The following LRRC71 variants were observed in gnomAD, a reference collection of about 807,000 sequenced individuals.
The protein encoded by LRRC71 is leucine-rich repeat-containing protein 71.
LRRC71 carries 54 observed loss-of-function variants against 66.6 expected under a neutral mutation model. The observed-to-expected ratio is 0.81, with a 90% CI of 0.65 to 1.02. The LOEUF (loss-of-function observed/expected upper bound fraction) is 1.02. LRRC71 is among the 50% of genes least tolerant of loss of function. The pLI is 0.00. For synonymous variants in LRRC71, 323 were observed against 303.9 expected (o/e 1.06, Z -0.65); for missense variants, 724 against 718.0 (o/e 1.01, Z -0.10).
At chr1:156,936,129 A>C, downstream of LRRC71, 1 of 1,481,798 alleles carries the variant, frequency 6.7e-7, no homozygotes, top group Non-Finnish European at 9.4e-7. Context: ...TTGTCTAGAA[A>C]GTTCAGGCTC....
At chr1:156,925,347 G>T (rs2101608708) in intron 5 of LRRC71, among the ~76,000 whole-genome samples, 1 of 152,340 alleles carries the variant, frequency 6.6e-6, no homozygotes. Context: ...TGTACTGGGG[G>T]CTGGTAAGAA....
rs901841074 is a variant in LRRC71, at chr1:156,924,962, T to C, written c.540T>C (p.Asp180=). The C allele has an allele frequency of 5.2e-6, 8 of 1,551,634 alleles. No homozygotes were observed. Among genetic ancestry groups the C allele is most frequent in the Non-Finnish European group, 6.1e-6 (7 of 1,146,976 alleles). The change falls in exon 5 of 15, where the codon GAT becomes GAC. Residue 180 remains aspartate (D), a synonymous_variant. Coordinates refer to ENST00000337428, the MANE Select transcript of LRRC71 (RefSeq NM_144702.3). ...GCTTGTGGAAGGTGGGGCTGACCGA[T>C]AAGACCCTGACCACCTTCATCGAGC... The part of the protein sequence containing the change: ...AINLWKVGLT[D]KTLTTFIELL...
At chr1:156,939,885 C>T in the LRRC71 span, 1 of 1,607,854 alleles carries the variant, frequency 6.2e-7, no homozygotes, top group Non-Finnish European at 8.5e-7. Flanking sequence ...GCAGGCTCCA[C>T]AGGATCAGAT....
At chr1:156,929,480 G>A (rs968885687) in intron 10 of LRRC71, 51 bp downstream of exon 10, 2 of 1,610,412 alleles carry the variant, frequency 1.2e-6, no homozygotes, top group African/African-American at 2.7e-5. Context: ...AGGGGAGGGG[G>A]CTTCCATCAT....
intron 1 of LRRC71, among the ~76,000 whole-genome samples, chr1:156,922,165 G>T (rs1652493533): frequency 6.6e-6 from 1 of 152,108 alleles, no homozygotes; most frequent in Non-Finnish European, 1.5e-5. Flanking sequence ...GGGTGAAGTT[G>T]TGACTTTGGG....
Position 156,932,937 on chromosome 1 carries a change from A to G in LRRC71, c.1648A>G (p.Arg550Gly), listed in dbSNP as rs1452718695. The G allele has an allele frequency of 6.3e-7, 1 of 1,589,976 alleles. No homozygotes were observed. Among genetic ancestry groups the G allele is most frequent in the Admixed American group, 1.8e-5 (1 of 56,798 alleles). Residue 550 changes from arginine (R) to glycine (G), a missense_variant, in exon 15 of 15, where the codon AGG becomes GGG. Transcript: ENST00000337428. ...AAGGGATCCCATCAAGGCCAAACTC[A>G]GGGAGGATGAGGCCATGGCATTCTT... is the stretch of plus-strand genomic sequence containing the variant. ...LPRDPIKAKL[R>G]EDEAMAFFP
In LRRC71 at chr1:156,927,662, G is replaced by C. The variant is rs1448600165; in HGVS notation, c.822+7G>C. The C allele has an allele frequency of 6.2e-7, 1 of 1,606,640 alleles. No homozygotes were observed. Among genetic ancestry groups the C allele is most frequent in the African/African-American group, 1.3e-5 (1 of 74,888 alleles). On this transcript the variant is annotated splice_region_variant and intron_variant, in intron 7 of 14. Transcript: ENST00000337428. The stretch of plus-strand genomic sequence containing the variant: ...CGCAGGCTACATCGCGGACGTGAGT[G>C]CACGGCGGGGAGGGACCTGCTGGGA...
chr1:156,925,112 C>A, intron 5 of LRRC71, 97 bp downstream of exon 5: 2 of 1,121,758 alleles, frequency 1.8e-6, no homozygotes, highest in Non-Finnish European at 2.6e-6. Flanking sequence ...GTCCCAGCTC[C>A]TGTGGGCCTG....
chr1:156,927,079 G>T (rs1653311560), intron 5 of LRRC71, 123 bp from the exon 6 acceptor site: 1 of 772,792 alleles, frequency 1.3e-6, no homozygotes, highest in Non-Finnish European at 2.1e-6. Context: ...TTCCTATATT[G>T]GGGGGGCAAT....
the LRRC71 span, chr1:156,938,386 C>A: frequency 6.2e-7 from 1 of 1,600,804 alleles, no homozygotes; most frequent in Middle Eastern, 1.7e-4. Flanking sequence ...CCAGTCTTGG[C>A]CTGTCTTTAG....
At chr1:156,928,491 CTCT>C (rs58242836) in intron 9 of LRRC71, among the ~76,000 whole-genome samples, 2 of 137,908 alleles carry the variant, frequency 1.5e-5, no homozygotes, top group African/African-American at 2.9e-5. Context: ...CCTCCTCCTC[CTCT>C]TCTTCCTCCT....
intron 1 of LRRC71, among the ~76,000 whole-genome samples, chr1:156,922,384 A>G (rs115390650): frequency 0.018 from 2,686 of 152,238 alleles, 89 homozygotes; most frequent in African/African-American, 0.061. Flanking sequence ...CATGGAGGTC[A>G]TGGTGGCCTT....
At chr1:156,932,386 G>T in intron 13 of LRRC71, 38 bp from the exon 14 acceptor site, 1 of 1,553,268 alleles carries the variant, frequency 6.4e-7, no homozygotes, top group Non-Finnish European at 8.8e-7. Context: ...AATGAGGCCT[G>T]TGGTGCTAAG....
intron 8 of LRRC71, 49 bp downstream of exon 8, chr1:156,927,865 C>T: frequency 6.2e-7 from 1 of 1,610,546 alleles, no homozygotes. Flanking sequence ...GCCGAGGGAG[C>T]CGACCCTGAC....
At chr1:156,927,078 T>TGG in intron 5 of LRRC71, 124 bp from the exon 6 acceptor site, 1 of 774,204 alleles carries the variant, frequency 1.3e-6, no homozygotes, top group Non-Finnish European at 2.1e-6. Context: ...TTTCCTATAT[T>TGG]GGGGGGGCAA....
chr1:156,920,922 C>T lies in LRRC71; in HGVS notation c.119C>T (p.Thr40Ile), dbSNP rs1329064142. 50 of 1,541,382 alleles carry T rather than the reference C, an allele frequency of 3.2e-5. No homozygotes were observed. The Admixed American group carries it at 8.8e-4, about 27-fold the overall frequency. ...GERAAKEKPA[T>I]VLPPVGEEEP... is the part of the protein sequence containing the mutation. ...CGCGCGGCCAAAGAGAAGCCAGCGA[C>T]CGTTCTGCCTCCCGTGGGGGAGGAG... The change falls in exon 1 of 15, where the codon ACC becomes ATC. Residue 40 changes from threonine (T) to isoleucine (I), a missense_variant. Physicochemically the swap from Thr to Ile is moderately conservative, Grantham distance 89 (BLOSUM62 -1). Coordinates refer to ENST00000337428, the MANE Select transcript of LRRC71 (RefSeq NM_144702.3). The surrounding 1 kb of genome is among the most constrained non-coding windows in gnomAD (Gnocchi z 4.9).
chr1:156,932,267 A>G (rs1654490547), intron 13 of LRRC71, 157 bp from the exon 14 acceptor site: 1 of 684,348 alleles, frequency 1.5e-6, no homozygotes, highest in Non-Finnish European at 2.6e-6. Context: ...GTGTGTGAGT[A>G]AGAGCTGAGT....
intron 13 of LRRC71, 115 bp from the exon 14 acceptor site, chr1:156,932,309 G>A: frequency 1.2e-6 from 1 of 823,436 alleles, no homozygotes; most frequent in Middle Eastern, 3.6e-4. Context: ...GTGTGCCTGG[G>A]CCAGTGAGTC....
In LRRC71 at chr1:156,932,917, A is replaced by AT; in HGVS notation, c.1629dup (p.Pro544SerfsTer10). ...ATCCAGGAGCTGATGTTGCCAAGGGATCCCATCAAGGCCAAACTCAGGGAG... is the reference window on the plus strand; with the variant it reads ...ATCCAGGAGCTGATGTTGCCAAGGGATTCCCATCAAGGCCAAACTCAGGGAG... On this transcript the variant is annotated frameshift_variant, in exon 15 of 15. Coordinates refer to ENST00000337428, the MANE Select transcript of LRRC71 (RefSeq NM_144702.3). LOFTEE classifies it high-confidence loss of function. 6.2e-7 allele frequency: 1 copy of AT among 1,603,534 alleles called. No individual in the cohort carries two copies. The highest frequency in any genetic ancestry group is 2.2e-5 in the East Asian group (1 of 44,552).
Sources: gnomAD v4.1 joint callset for allele counts (sites outside exome capture counted in the v4.1 genomes callset) on GRCh38, gnomAD v4.1.1 for gene constraint, Gnocchi (gnomAD v3.1) non-coding constraint, MANE v1.5 for transcripts, NCBI Gene and HGNC (gene_info 2026-07-23, HGNC 2026-07-21) for gene names.